The following LATS2 variants were observed in gnomAD, a reference collection of about 807,000 sequenced individuals.
LATS2 encodes the protein serine/threonine-protein kinase LATS2.
Under a neutral mutation model 76.0 loss-of-function variants are expected in LATS2, and 24 were observed. That is an observed-to-expected ratio of 0.32 (90% confidence interval 0.23 to 0.44). The LOEUF (loss-of-function observed/expected upper bound fraction) is 0.44, where lower values mean the gene tolerates loss of function less well. Among genes scored for constraint, LATS2 ranks in the 20% least tolerant of loss-of-function variants. The pLI, the probability that LATS2 is intolerant of heterozygous loss-of-function variation, is 1.00. For missense variants in LATS2, 1,286 were observed against 1,481.2 expected (o/e 0.87, Z 2.16); for synonymous variants, 692 against 635.4 (o/e 1.09, Z -1.34).
At chr13:21,056,594 A>G (rs993147267) in intron 1 of LATS2, among the ~76,000 whole-genome samples, 6 of 152,154 alleles carry the variant, frequency 3.9e-5, no homozygotes, top group Non-Finnish European at 7.3e-5. Context: ...TCAATTTCAT[A>G]GCCCAGCAGG....
At position 20,987,990 on chromosome 13, in the gene LATS2, T is replaced by C; in HGVS notation, c.1790A>G (p.Tyr597Cys). ...EEKRESRIKS[Y>C]SPYAFKFFME... ...GAAGAACTTAAAGGCGTATGGCGAG[T>C]AGCTCTTGATGCGTGACTCTCTCTT... Residue 597 changes from tyrosine to cysteine, a missense_variant, in exon 4 of 8, where the codon TAC (tyrosine) becomes TGC (cysteine). Physicochemically the swap from Tyr to Cys is radical, Grantham distance 194. Around this residue, in one of 5 missense-constraint regions of LATS2, gnomAD observed 710 missense variants for 660.9 expected, o/e 1.07. Transcript: ENST00000382592. 1.2e-6 allele frequency: 2 copies of C among 1,614,232 alleles called. No individual in the cohort carries two copies. Among genetic ancestry groups the C allele is most frequent in the Non-Finnish European group, 1.7e-6 (2 of 1,180,028 alleles).
chr13:21,028,728 G>A (rs903181541), intron 2 of LATS2, among the ~76,000 whole-genome samples: 1 of 152,026 alleles, frequency 6.6e-6, no homozygotes, highest in Non-Finnish European at 1.5e-5. Flanking sequence ...GCACCACCAC[G>A]CCCTGCTAAT....
At chr13:21,021,580 C>T (rs1872067856) in intron 2 of LATS2, among the ~76,000 whole-genome samples, 1 of 151,020 alleles carries the variant, frequency 6.6e-6, no homozygotes, top group Non-Finnish European at 1.5e-5. Context: ...GTTCTTACTC[C>T]AGTGTGTTTA....
At chr13:21,043,562 C>A (rs962811155) in intron 2 of LATS2, among the ~76,000 whole-genome samples, 1 of 152,078 alleles carries the variant, frequency 6.6e-6, no homozygotes, top group Admixed American at 6.5e-5. Flanking sequence ...TAAAGTAACA[C>A]CACACACCAA....
At position 20,987,784 on chromosome 13, in the gene LATS2, G is replaced by A. The variant is rs1477828241; in HGVS notation, c.1899+97C>T. The A allele has an allele frequency of 8.7e-6, 12 of 1,378,878 alleles. No homozygotes were observed. The South Asian group carries it at 1.6e-4, about 19-fold the overall frequency. 85.4% of individuals were successfully genotyped at this position (1,378,878 alleles called of 1,614,324 possible). The stretch of plus-strand genomic sequence containing the variant: ...CCCATTAGCCGTTTTGATGATAAGG[G>A]GTATACAGTCGAAACAGAAAAGGGA... On this transcript the variant is annotated intron_variant, in intron 4 of 7. Coordinates refer to ENST00000382592, the MANE Select transcript of LATS2 (RefSeq NM_014572.3).
At position 20,975,141 on chromosome 13, in the gene LATS2, G is replaced by A. The variant is rs1222036181; in HGVS notation, c.2996C>T (p.Thr999Ile). Residue 999 changes from threonine to isoleucine, a missense_variant, in exon 8 of 8, where the codon ACC becomes ATC. By Grantham distance (89) the Thr-to-Ile change is moderately conservative. Coordinates refer to ENST00000382592, the MANE Select transcript of LATS2 (RefSeq NM_014572.3). ...TTCATCTACGGGGTCGAAATTCGAG[G>A]TGTCCATGGGGTGGCTGATGGTGGG... ...YVPTISHPMD[T>I]SNFDPVDEES... 5.0e-6 allele frequency: 8 copies of A among 1,614,098 alleles called. No homozygotes were observed. In the South Asian group the frequency reaches 5.5e-5, roughly 11 times the overall value.
rs1278130189 is a variant in LATS2 at position 20,973,087 on chromosome 13, G to C, written c.*1783C>G. On this transcript the variant is annotated 3_prime_UTR_variant, in exon 8 of 8. Coordinates refer to ENST00000382592, the MANE Select transcript of LATS2 (RefSeq NM_014572.3). ...TTGTGCCAGTAGAAGCTTTTCAAAG[G>C]TAATGATATATCAATAAATAATAGT... 4.4e-6 allele frequency: 1 copy of C among 227,806 alleles called. No individual in the cohort carries two copies. The highest frequency in any genetic ancestry group is 8.7e-6 in the Non-Finnish European group (1 of 114,662). The allele number at this position is 227,806 out of a possible 1,614,324, so 14.1% of individuals were successfully genotyped here.
intron 2 of LATS2, among the ~76,000 whole-genome samples, chr13:21,010,221 C>CAAACAAACA (rs1455364081): frequency 6.6e-6 from 1 of 151,688 alleles, no homozygotes; most frequent in African/African-American, 2.4e-5. Context: ...AACAAACAAA[C>CAAACAAACA]AAAAAACCCA....
At chr13:21,020,351 C>T (rs1420149570) in intron 2 of LATS2, among the ~76,000 whole-genome samples, 1 of 152,182 alleles carries the variant, frequency 6.6e-6, no homozygotes, top group Non-Finnish European at 1.5e-5. Flanking sequence ...AAAGTAATGA[C>T]AAAAACCTCA....
At chr13:21,053,935 G>C (rs116650779) in intron 1 of LATS2, among the ~76,000 whole-genome samples, 1,878 of 152,286 alleles carry the variant, frequency 0.012, 32 homozygotes, top group African/African-American at 0.043. Context: ...TTTTACTTAA[G>C]GGGTACAGTT....
Position 20,979,708 on chromosome 13 carries a change from T to C in LATS2, c.2755A>G (p.Thr919Ala). The change falls in exon 7 of 8, where the codon ACA (threonine) becomes GCA (alanine). Residue 919 changes from threonine to alanine, a missense_variant. Physicochemically the swap from Thr to Ala is moderately conservative, Grantham distance 58. Around this residue, in one of 5 missense-constraint regions of LATS2, gnomAD observed 210 missense variants for 234.9 expected, o/e 0.89. Coordinates refer to ENST00000382592, the MANE Select transcript of LATS2 (RefSeq NM_014572.3). The stretch of plus-strand genomic sequence containing the variant: ...CACATTACCTTCAGCTGGGTTTCTG[T>C]GGGAGTAGGTGCCAAAAAGGGCGGC... Reference protein sequence around the residue: ...GQPPFLAPTPTETQLKVINWE... With the variant: ...GQPPFLAPTPAETQLKVINWE... 1 of 1,608,030 alleles carries C rather than the reference T, an allele frequency of 6.2e-7. No homozygotes were observed. The highest frequency in any genetic ancestry group is 1.3e-5 in the African/African-American group (1 of 74,866).
At chr13:21,054,910 T>C (rs1223154346) in intron 1 of LATS2, among the ~76,000 whole-genome samples, 1 of 152,202 alleles carries the variant, frequency 6.6e-6, no homozygotes, top group East Asian at 1.9e-4. Flanking sequence ...GCTGTTCTGA[T>C]TTTTTCTCCA....
chr13:20,976,242 G>A (rs1032248852), intron 7 of LATS2, among the ~76,000 whole-genome samples: 1 of 152,190 alleles, frequency 6.6e-6, no homozygotes, highest in South Asian at 2.1e-4. Flanking sequence ...CTACCAGCTG[G>A]GGTGATGGGA....
Position 21,045,799 on chromosome 13 carries a change from G to A in LATS2, c.228C>T (p.Ala76=). The A allele has an allele frequency of 1.2e-6, 2 of 1,614,202 alleles. No individual in the cohort carries two copies. The highest frequency in any genetic ancestry group is 1.7e-6 in the Non-Finnish European group (2 of 1,180,036). Reference sequence around the variant, plus strand: ...ACAAGGAATATCTGATTTCCCTCAAGGCTTTCTGATAAGGTCCGAACTTTG... The same window carrying A: ...ACAAGGAATATCTGATTTCCCTCAAAGCTTTCTGATAAGGTCCGAACTTTG... ...ATPKFGPYQK[A]LREIRYSLLP... The change falls in exon 2 of 8, where the codon GCC becomes GCT. Residue 76 remains alanine (A), a synonymous_variant. Transcript: ENST00000382592.
Position 20,989,296 on chromosome 13 carries a change from G to A in LATS2, c.484C>T (p.Leu162Phe), listed in dbSNP as rs755211321. The A allele has an allele frequency of 6.2e-7, 1 of 1,613,798 alleles. No homozygotes were observed. The highest frequency in any genetic ancestry group is 1.7e-5 in the Admixed American group (1 of 60,024). Residue 162 changes from leucine to phenylalanine, a missense_variant, in exon 4 of 8, where the codon CTC (leucine) becomes TTC (phenylalanine). Physicochemically the swap from Leu to Phe is conservative, Grantham distance 22. Around this residue, in one of 5 missense-constraint regions of LATS2, gnomAD observed 710 missense variants for 660.9 expected, o/e 1.07. Transcript: ENST00000382592. ...CTCCGCGTCACTGGGGTTGGCATGA[G>A]CCCCTTTCCTGCAGTGGAAAAAACA... ...VIKQTSPGKG[L>F]MPTPVTRRPS...
At chr13:20,985,170 AGG>A (rs1352768762) in intron 4 of LATS2, among the ~76,000 whole-genome samples, 1 of 152,210 alleles carries the variant, frequency 6.6e-6, no homozygotes, top group African/African-American at 2.4e-5. Flanking sequence ...ATAAGACCAG[AGG>A]CTATGAAAAT....
At chr13:21,060,779 A>G (rs1484771673) in intron 1 of LATS2, among the ~76,000 whole-genome samples, 1 of 150,918 alleles carries the variant, frequency 6.6e-6, no homozygotes, top group Non-Finnish European at 1.5e-5. Context: ...CGGGCTCTGA[A>G]GGACTGATTG....
At chr13:20,997,183 T>C (rs1417164214) in intron 2 of LATS2, among the ~76,000 whole-genome samples, 1 of 152,262 alleles carries the variant, frequency 6.6e-6, no homozygotes, top group Non-Finnish European at 1.5e-5. Flanking sequence ...ACTGGTTTAC[T>C]GCTGCTACTG....
intron 2 of LATS2, among the ~76,000 whole-genome samples, chr13:20,996,461 T>C (rs1275656625): frequency 6.6e-6 from 1 of 151,836 alleles, no homozygotes; most frequent in Admixed American, 6.6e-5. Context: ...TCACTGAAAT[T>C]TCATCTCCCA....
Sources: allele counts gnomAD v4.1 joint callset (sites outside exome capture counted in the v4.1 genomes callset), GRCh38; gene constraint gnomAD v4.1.1; regional missense constraint gnomAD v4.1.1; transcripts MANE v1.5; gene names NCBI Gene and HGNC (gene_info 2026-07-23, HGNC 2026-07-21).